The following NCAM2 variants were observed in gnomAD, a reference collection of about 807,000 sequenced individuals.
NCAM2 encodes N-CAM-2.
A neutral mutation model predicts 98.1 loss-of-function variants in NCAM2; 30 were observed. The observed-to-expected ratio is 0.31, with a 90% CI of 0.23 to 0.41. The LOEUF is 0.41. Ranked by LOEUF, NCAM2 falls within the 10% of genes least tolerant of loss-of-function variation. NCAM2 has a pLI of 1.00. For synonymous variants in NCAM2, 368 were observed against 342.4 expected, an observed-to-expected ratio of 1.07 and a Z score of -0.83; for missense variants, 867 against 1,005.8, an observed-to-expected ratio of 0.86 and a Z score of 1.87.
At chr21:21,055,086 T>A (rs921044420) in intron 1 of NCAM2, among the ~76,000 whole-genome samples, 6 of 152,066 alleles carry the variant, frequency 3.9e-5, no homozygotes, top group African/African-American at 1.4e-4. Context: ...TTTTGTAACA[T>A]CTCTTAATTT....
intron 1 of NCAM2, among the ~76,000 whole-genome samples, chr21:21,225,281 A>C (rs998792425): frequency 1.3e-4 from 20 of 152,042 alleles, no homozygotes; most frequent in African/African-American, 4.8e-4. Context: ...GAGCATTAGG[A>C]AAGATAGCTA....
At chr21:21,534,272 A>T (rs1018896760) in intron 16 of NCAM2, among the ~76,000 whole-genome samples, 1 of 152,080 alleles carries the variant, frequency 6.6e-6, no homozygotes, top group Non-Finnish European at 1.5e-5. Flanking sequence ...GGATTTTAAA[A>T]TGTGTACCAA....
chr21:21,296,071 G>C (rs964119682), intron 5 of NCAM2, among the ~76,000 whole-genome samples: 2 of 151,704 alleles, frequency 1.3e-5, no homozygotes, highest in Non-Finnish European at 2.9e-5. Flanking sequence ...TATATACAAA[G>C]TGCTGGCTAT....
intron 12 of NCAM2, among the ~76,000 whole-genome samples, chr21:21,466,107 T>A (rs1232088946): frequency 6.6e-6 from 1 of 152,048 alleles, no homozygotes; most frequent in Non-Finnish European, 1.5e-5. Context: ...GATTTGAAAT[T>A]GTAGAATAAA....
intron 14 of NCAM2, among the ~76,000 whole-genome samples, chr21:21,474,295 C>T (rs1463915244): frequency 6.6e-6 from 1 of 152,028 alleles, no homozygotes; most frequent in Non-Finnish European, 1.5e-5. Context: ...GTTTCTTATA[C>T]TATCAGCCCA....
intron 1 of NCAM2, among the ~76,000 whole-genome samples, chr21:21,126,236 T>TAAGA (rs1555887828): frequency 1.0e-5 from 1 of 97,564 alleles, no homozygotes; most frequent in Non-Finnish European, 1.9e-5. Context: ...TCATGGAACA[T>TAAGA]AAAAAAAAAA....
chr21:21,337,236 A>G (rs2074895926), intron 7 of NCAM2, among the ~76,000 whole-genome samples: 1 of 152,140 alleles, frequency 6.6e-6, no homozygotes. Context: ...ATTGCAGTGA[A>G]AAAGAAAAAA....
intron 15 of NCAM2, among the ~76,000 whole-genome samples, chr21:21,480,305 T>TG (rs1186701509): frequency 1.4e-5 from 2 of 143,728 alleles, no homozygotes; most frequent in Non-Finnish European, 3.0e-5. Flanking sequence ...AGGCGGAGCT[T>TG]GCAGTGAGCC....
At chr21:21,405,367 G>A (rs1445425073) in intron 9 of NCAM2, among the ~76,000 whole-genome samples, 4 of 152,064 alleles carry the variant, frequency 2.6e-5, no homozygotes, top group Admixed American at 6.6e-5. Flanking sequence ...AGAGACTTGG[G>A]AAGAGGTAAC....
chr21:21,202,167 T>G (rs2069249588), intron 1 of NCAM2, among the ~76,000 whole-genome samples: 2 of 152,114 alleles, frequency 1.3e-5, no homozygotes, highest in South Asian at 4.1e-4. Context: ...AAAATTCATG[T>G]TCCTCCACTT....
chr21:21,437,657 A>T (rs1436360012), intron 12 of NCAM2, among the ~76,000 whole-genome samples: 3 of 152,122 alleles, frequency 2.0e-5, no homozygotes, highest in Admixed American at 2.0e-4. Context: ...AAGCTCTGAG[A>T]ATCTGAGTAC....
chr21:21,378,274 T>C (rs2076076485), intron 9 of NCAM2, among the ~76,000 whole-genome samples: 1 of 152,062 alleles, frequency 6.6e-6, no homozygotes, highest in South Asian at 2.1e-4. Flanking sequence ...TACCACTTTC[T>C]ATGATGGCCA....
At chr21:21,461,346 G>C (rs770095528) in intron 12 of NCAM2, among the ~76,000 whole-genome samples, 2 of 151,836 alleles carry the variant, frequency 1.3e-5, no homozygotes, top group Non-Finnish European at 2.9e-5. Flanking sequence ...CTGATTTTAA[G>C]GGTAATATGT....
At chr21:21,466,863 A>C (rs1983746856) in intron 13 of NCAM2, 138 bp downstream of exon 13, 5 of 921,368 alleles carry the variant, frequency 5.4e-6, no homozygotes, top group South Asian at 5.4e-5. Context: ...TTCTGAAGAC[A>C]GTGACATCTG....
At chr21:21,465,245 T>C (rs8131634) in intron 12 of NCAM2, among the ~76,000 whole-genome samples, 78,227 of 151,648 alleles carry the variant, frequency 0.52, 21,008 homozygotes, top group Non-Finnish European at 0.56. Context: ...CAATGTATTT[T>C]TTTCTTTTCT....
chr21:21,214,199 G>A (rs1323373002), intron 1 of NCAM2, among the ~76,000 whole-genome samples: 1 of 152,030 alleles, frequency 6.6e-6, no homozygotes, highest in African/African-American at 2.4e-5. Context: ...GTAGCTTTGC[G>A]ATTTTTGAGA....
chr21:21,008,551 T>A (rs1253608136), intron 1 of NCAM2, among the ~76,000 whole-genome samples: 4 of 152,108 alleles, frequency 2.6e-5, no homozygotes, highest in Non-Finnish European at 4.4e-5. Flanking sequence ...TAGAATGCTT[T>A]AAAAAATGGT....
chr21:21,017,108 C>T (rs921007995), intron 1 of NCAM2, among the ~76,000 whole-genome samples: 1 of 151,914 alleles, frequency 6.6e-6, no homozygotes, highest in Non-Finnish European at 1.5e-5. Flanking sequence ...CATATTGTTT[C>T]TGGAAGAGGA....
Position 21,186,254 on chromosome 21 carries a change from T to G in NCAM2, c.56-94324T>G, listed in dbSNP as rs531754890. Among the ~76,000 whole-genome samples the G allele has an allele frequency of 9.8e-5, 15 of 152,296 alleles. No individual in the cohort carries two copies. In the South Asian group the frequency reaches 2.7e-3, roughly 27 times the overall value. Reference sequence around the variant, plus strand: ...TGTAATAGCTCAAATTTATGTCTTCTTTTTTCATCTCTTTTCTAAGGAACT... The same window carrying G: ...TGTAATAGCTCAAATTTATGTCTTCGTTTTTCATCTCTTTTCTAAGGAACT... On this transcript the variant is annotated intron_variant, in intron 1 of 17. Coordinates refer to ENST00000400546, the MANE Select transcript of NCAM2 (RefSeq NM_004540.5).
Sources: allele counts gnomAD v4.1 joint callset (sites outside exome capture counted in the v4.1 genomes callset), GRCh38; gene constraint gnomAD v4.1.1; transcripts MANE v1.5; gene names NCBI Gene and HGNC (gene_info 2026-07-23, HGNC 2026-07-21).